Variants in PRKCE observed in about 807,000 individuals in gnomAD.
PRKCE encodes the protein protein kinase C epsilon type.
In PRKCE, 16 loss-of-function variants were observed where a neutral mutation model predicts 85.4. The ratio of observed to expected loss-of-function variants is 0.19; its 90% confidence interval spans 0.13 to 0.28. The LOEUF is 0.28. Among genes scored for constraint, PRKCE ranks in the 10% least tolerant of loss-of-function variants. The pLI, the probability that PRKCE is intolerant of heterozygous loss-of-function variation, is 1.00. For missense variants in PRKCE, 573 were observed against 975.2 expected (o/e 0.59, Z 5.49); for synonymous variants, 388 against 371.5 (o/e 1.04, Z -0.51).
chr2:45,859,849 C>A (rs1693000533), intron 2 of PRKCE, among the ~76,000 whole-genome samples: 1 of 152,132 alleles, frequency 6.6e-6, no homozygotes, highest in South Asian at 2.1e-4. Context: ...TGCATTCTCA[C>A]CCTGCTAACT....
chr2:45,951,722 C>T (rs951556110), intron 2 of PRKCE, among the ~76,000 whole-genome samples: 1 of 152,240 alleles, frequency 6.6e-6, no homozygotes, highest in Non-Finnish European at 1.5e-5. Flanking sequence ...CTGGTTCTTC[C>T]ACACCTCATC....
intron 1 of PRKCE, among the ~76,000 whole-genome samples, chr2:45,798,160 C>G (rs1011192305): frequency 6.6e-6 from 1 of 152,080 alleles, no homozygotes; most frequent in African/African-American, 2.4e-5. Context: ...ATAAAGTATA[C>G]AGTGGAAACC....
At chr2:46,180,406 G>T (rs1396324552) in intron 14 of PRKCE, among the ~76,000 whole-genome samples, 1 of 152,168 alleles carries the variant, frequency 6.6e-6, no homozygotes, top group Non-Finnish European at 1.5e-5. Context: ...GCAGGTGAGC[G>T]AAAGAACTCA....
At chr2:45,917,070 C>T (rs899202673) in intron 2 of PRKCE, among the ~76,000 whole-genome samples, 1 of 152,184 alleles carries the variant, frequency 6.6e-6, no homozygotes, top group Non-Finnish European at 1.5e-5. Context: ...CCACTGCTGG[C>T]TCAGGCAGCC....
chr2:45,779,704 T>G (rs558715029), intron 1 of PRKCE, among the ~76,000 whole-genome samples: 154 of 152,282 alleles, frequency 1.0e-3, no homozygotes, highest in African/African-American at 3.7e-3. Flanking sequence ...CAGAAGATTT[T>G]CTTTGCCTGT....
At chr2:45,909,997 T>C (rs986360138) in intron 2 of PRKCE, among the ~76,000 whole-genome samples, 1 of 151,902 alleles carries the variant, frequency 6.6e-6, no homozygotes, top group Admixed American at 6.6e-5. Flanking sequence ...AAGGTAGAAG[T>C]GACAGAGTGG....
chr2:45,925,786 AC>A (rs1325378078), intron 2 of PRKCE, among the ~76,000 whole-genome samples: 8 of 152,206 alleles, frequency 5.3e-5, no homozygotes, highest in Non-Finnish European at 7.3e-5. Context: ...GATGTTGATG[AC>A]AGAAGGCTGC....
chr2:45,715,453 C>G (rs1680007690), intron 1 of PRKCE, among the ~76,000 whole-genome samples: 1 of 152,202 alleles, frequency 6.6e-6, no homozygotes, highest in African/African-American at 2.4e-5. Flanking sequence ...GGGTTTTCTT[C>G]TTTGACCAAT....
chr2:45,733,696 C>G (rs1218372903), intron 1 of PRKCE, among the ~76,000 whole-genome samples: 1 of 152,180 alleles, frequency 6.6e-6, no homozygotes, highest in Middle Eastern at 3.2e-3. Context: ...TCACCGTCTC[C>G]ACTATCAGCT....
At chr2:45,914,365 C>T (rs1697601860) in intron 2 of PRKCE, among the ~76,000 whole-genome samples, 1 of 151,178 alleles carries the variant, frequency 6.6e-6, no homozygotes. Flanking sequence ...GACATGTGGA[C>T]TTGGATGTGT....
At chr2:45,656,815 C>T (rs66696566) in intron 1 of PRKCE, among the ~76,000 whole-genome samples, 14,631 of 152,184 alleles carry the variant, frequency 0.096, 780 homozygotes, top group East Asian at 0.2. Context: ...AAATTGCAGG[C>T]CAGAGAGGGC....
At chr2:46,025,086 C>G (rs1158427375) in intron 10 of PRKCE, among the ~76,000 whole-genome samples, 2 of 151,876 alleles carry the variant, frequency 1.3e-5, no homozygotes, top group Non-Finnish European at 2.9e-5. Context: ...TAAAAAAAAA[C>G]AAATGTAGGT....
chr2:45,977,195 C>A (rs940107589), intron 3 of PRKCE, among the ~76,000 whole-genome samples: 5 of 152,164 alleles, frequency 3.3e-5, no homozygotes, highest in African/African-American at 1.2e-4. Context: ...TTGTACCCAG[C>A]TGATTGTGTG....
intron 11 of PRKCE, among the ~76,000 whole-genome samples, chr2:46,102,771 A>G (rs568859822): frequency 6.6e-6 from 1 of 152,320 alleles, no homozygotes; most frequent in East Asian, 1.9e-4. Flanking sequence ...GACTCTGATT[A>G]TGGATTAGAC....
At chr2:45,703,575 A>AT (rs1024632803) in intron 1 of PRKCE, among the ~76,000 whole-genome samples, 1 of 152,012 alleles carries the variant, frequency 6.6e-6, no homozygotes, top group Non-Finnish European at 1.5e-5. Flanking sequence ...AGAAAAAAAA[A>AT]GGAAGCTCAT....
intron 1 of PRKCE, chr2:45,676,083 G>C (rs1010489918): frequency 1.3e-5 from 2 of 152,276 alleles, no homozygotes; most frequent in African/African-American, 4.8e-5. Context: ...GTTTTGAGAA[G>C]TTGTTTACCA....
chr2:45,891,399 A>G (rs1695711375), intron 2 of PRKCE, among the ~76,000 whole-genome samples: 1 of 152,210 alleles, frequency 6.6e-6, no homozygotes, highest in Non-Finnish European at 1.5e-5. Context: ...CTGCCATGCC[A>G]CAGGAAAGTC....
chr2:46,107,923 G>A (rs1444341505), intron 11 of PRKCE, among the ~76,000 whole-genome samples: 1 of 152,036 alleles, frequency 6.6e-6, no homozygotes, highest in African/African-American at 2.4e-5. Context: ...ATTGTTGAGG[G>A]TTTTGTTTTT....
At chr2:45,946,899 G>C (rs1303442787) in intron 2 of PRKCE, among the ~76,000 whole-genome samples, 2 of 152,176 alleles carry the variant, frequency 1.3e-5, no homozygotes, top group Non-Finnish European at 2.9e-5. Context: ...TCCTTGGGTG[G>C]GCTTGCCACA....
Sources: gnomAD v4.1 joint callset for allele counts (sites outside exome capture counted in the v4.1 genomes callset) on GRCh38, gnomAD v4.1.1 for gene constraint, MANE v1.5 for transcripts, NCBI Gene and HGNC (gene_info 2026-07-23, HGNC 2026-07-21) for gene names.